SPAG16: variants seen among roughly 807,000 people sequenced by gnomAD.
SPAG16 encodes sperm-associated antigen 16 protein.
Under a neutral mutation model 80.4 loss-of-function variants are expected in SPAG16, and 86 were observed. The observed-to-expected ratio is 1.07, with a 90% CI of 0.90 to 1.28. The LOEUF is 1.28. Ranked by LOEUF, SPAG16 falls within the 50% of genes most tolerant of loss-of-function variation. The pLI, the probability that SPAG16 is intolerant of heterozygous loss-of-function variation, is 0.00. For missense variants in SPAG16, 870 were observed against 765.3 expected (o/e 1.14, Z -1.61); for synonymous variants, 294 against 265.9 (o/e 1.11, Z -1.03).
chr2:213,299,993 T>A (rs969850912), intron 3 of SPAG16, among the ~76,000 whole-genome samples: 1 of 152,192 alleles, frequency 6.6e-6, no homozygotes, highest in African/African-American at 2.4e-5. Context: ...CCTTCTAAAT[T>A]CTGAGCCTTT....
chr2:213,621,746 T>G (rs1238339926), intron 10 of SPAG16, among the ~76,000 whole-genome samples: 2 of 152,200 alleles, frequency 1.3e-5, no homozygotes, highest in Non-Finnish European at 2.9e-5. Flanking sequence ...AAAGAAGTTT[T>G]TGAATCTTTA....
At chr2:214,249,776 A>G (rs552742546) in intron 15 of SPAG16, among the ~76,000 whole-genome samples, 9 of 152,292 alleles carry the variant, frequency 5.9e-5, no homozygotes, top group Non-Finnish European at 1.2e-4. Context: ...AAAATTATAA[A>G]TATTGCTGAT....
chr2:213,680,330 G>C (rs1319227728), intron 10 of SPAG16, among the ~76,000 whole-genome samples: 1 of 151,862 alleles, frequency 6.6e-6, no homozygotes, highest in Non-Finnish European at 1.5e-5. Context: ...TAAGCCATTT[G>C]AGTCCTTATT....
intron 10 of SPAG16, among the ~76,000 whole-genome samples, chr2:213,554,685 A>G (rs1575953439): frequency 1.3e-5 from 2 of 152,106 alleles, no homozygotes; most frequent in South Asian, 4.1e-4. Context: ...AATAACAAAC[A>G]AAACTTCTAG....
intron 15 of SPAG16, among the ~76,000 whole-genome samples, chr2:214,177,919 A>ATATATATG (rs2057158474): frequency 1.5e-5 from 2 of 132,272 alleles, no homozygotes; most frequent in South Asian, 4.6e-4. Flanking sequence ...ATATATACAT[A>ATATATATG]TATATATATA....
chr2:213,779,682 T>C (rs2069823482), intron 10 of SPAG16, among the ~76,000 whole-genome samples: 1 of 152,188 alleles, frequency 6.6e-6, no homozygotes, highest in Admixed American at 6.5e-5. Context: ...ATCTGGAGCC[T>C]GTACCAGTCA....
chr2:214,400,617 A>G (rs2126143831), intron 15 of SPAG16, among the ~76,000 whole-genome samples: 1 of 152,142 alleles, frequency 6.6e-6, no homozygotes, highest in African/African-American at 2.4e-5. Context: ...ACAGAGGAGC[A>G]ACTTATATTT....
chr2:213,397,702 T>A (rs1399741023), intron 9 of SPAG16, among the ~76,000 whole-genome samples: 3 of 152,146 alleles, frequency 2.0e-5, no homozygotes, highest in African/African-American at 7.2e-5. Flanking sequence ...AAGTAACTGC[T>A]ATAATTTTTC....
intron 15 of SPAG16, among the ~76,000 whole-genome samples, chr2:214,366,676 A>C (rs768903993): frequency 1.3e-5 from 2 of 152,154 alleles, no homozygotes; most frequent in Admixed American, 6.6e-5. Context: ...TCAACCAAAC[A>C]TGGTTTGATT....
intron 10 of SPAG16, among the ~76,000 whole-genome samples, chr2:213,775,362 A>G (rs1262394219): frequency 6.6e-6 from 1 of 152,224 alleles, no homozygotes; most frequent in Non-Finnish European, 1.5e-5. Context: ...CTAAGTTTGA[A>G]GATATGCATA....
intron 11 of SPAG16, among the ~76,000 whole-genome samples, chr2:213,909,272 G>A (rs1575522716): frequency 6.6e-6 from 1 of 152,154 alleles, no homozygotes; most frequent in Admixed American, 6.5e-5. Flanking sequence ...TGGGTAGGAA[G>A]AATCAATATC....
intron 9 of SPAG16, among the ~76,000 whole-genome samples, chr2:213,411,988 AAT>A (rs2068994672): frequency 6.6e-6 from 1 of 152,194 alleles, no homozygotes; most frequent in African/African-American, 2.4e-5. Flanking sequence ...TCAAAGAATT[AAT>A]ATGTCAGTAT....
At chr2:213,915,302 CCA>C (rs1233959937) in intron 11 of SPAG16, among the ~76,000 whole-genome samples, 1 of 151,986 alleles carries the variant, frequency 6.6e-6, no homozygotes, top group Admixed American at 6.6e-5. Flanking sequence ...TCAGCAGGCC[CCA>C]GTGTGTGATC....
intron 15 of SPAG16, among the ~76,000 whole-genome samples, chr2:214,260,899 G>C (rs1184023524): frequency 6.6e-6 from 1 of 151,886 alleles, no homozygotes; most frequent in Non-Finnish European, 1.5e-5. Context: ...CTGAGGTCAG[G>C]AGTTTGAGAC....
chr2:214,392,002 C>T (rs1701106828), intron 15 of SPAG16, among the ~76,000 whole-genome samples: 1 of 152,134 alleles, frequency 6.6e-6, no homozygotes, highest in Non-Finnish European at 1.5e-5. Flanking sequence ...GAATTCTGTC[C>T]ATCTTTCCCC....
chr2:213,862,412 A>T, intron 10 of SPAG16, 73 bp from the exon 11 acceptor site: 1 of 1,556,872 alleles, frequency 6.4e-7, no homozygotes, highest in Non-Finnish European at 8.8e-7. Flanking sequence ...AATCACTGCC[A>T]TTTCATTTAT....
chr2:214,378,731 C>T (rs866083483), intron 15 of SPAG16, among the ~76,000 whole-genome samples: 6 of 152,320 alleles, frequency 3.9e-5, no homozygotes, highest in Middle Eastern at 3.4e-3. Context: ...ATTTGCCATG[C>T]ACCACAAAGA....
At chr2:214,316,702 G>T (rs1008653574) in intron 15 of SPAG16, among the ~76,000 whole-genome samples, 1 of 151,890 alleles carries the variant, frequency 6.6e-6, no homozygotes, top group Non-Finnish European at 1.5e-5. Flanking sequence ...ATAAATAAGC[G>T]TAGTTTTCTT....
chr2:213,471,098 A>C, intron 9 of SPAG16, among the ~76,000 whole-genome samples: 1 of 152,196 alleles, frequency 6.6e-6, no homozygotes, highest in East Asian at 1.9e-4. Flanking sequence ...GGGATGTCCT[A>C]AAAAGGGGCT....
Sources: allele counts gnomAD v4.1 joint callset (sites outside exome capture counted in the v4.1 genomes callset), GRCh38; gene constraint gnomAD v4.1.1; transcripts MANE v1.5; gene names NCBI Gene and HGNC (gene_info 2026-07-23, HGNC 2026-07-21).